NEGR1: variants seen among roughly 807,000 people sequenced by gnomAD.
NEGR1 encodes the protein IgLON family member 4.
A neutral mutation model predicts 40.9 loss-of-function variants in NEGR1; 10 were observed. That is an observed-to-expected ratio of 0.24 (90% CI 0.15 to 0.42). The LOEUF (loss-of-function observed/expected upper bound fraction) is 0.42, where lower values mean the gene tolerates loss of function less well. NEGR1 is among the 10% of genes least tolerant of loss of function. NEGR1 has a pLI of 1.00. For missense variants in NEGR1, 352 were observed against 438.9 expected (o/e 0.80, Z 1.77); for synonymous variants, 185 against 166.8 (o/e 1.11, Z -0.84).
chr1:71,414,749 G>A (rs946498967), intron 6 of NEGR1, among the ~76,000 whole-genome samples: 7 of 152,146 alleles, frequency 4.6e-5, no homozygotes, highest in Non-Finnish European at 8.8e-5. Context: ...CTTTAGGGTT[G>A]AAGAATGCCC....
chr1:71,913,713 A>G (rs1241965577), intron 2 of NEGR1, among the ~76,000 whole-genome samples: 1 of 152,168 alleles, frequency 6.6e-6, no homozygotes, highest in African/African-American at 2.4e-5. Flanking sequence ...AGCATTTCTA[A>G]TCTTTTATAA....
At chr1:71,411,779 C>G (rs1354483707) in intron 6 of NEGR1, among the ~76,000 whole-genome samples, 1 of 152,072 alleles carries the variant, frequency 6.6e-6, no homozygotes, top group Non-Finnish European at 1.5e-5. Context: ...GCAGGTGGAT[C>G]ACCTGAGGCC....
chr1:72,074,281 T>G (rs2100515480), intron 1 of NEGR1, among the ~76,000 whole-genome samples: 1 of 152,256 alleles, frequency 6.6e-6, no homozygotes, highest in Non-Finnish European at 1.5e-5. Context: ...TGTTGGTCAG[T>G]TGATTATAAT....
intron 1 of NEGR1, among the ~76,000 whole-genome samples, chr1:71,963,173 C>T (rs1371295090): frequency 6.6e-6 from 1 of 151,912 alleles, no homozygotes; most frequent in Non-Finnish European, 1.5e-5. Flanking sequence ...CTTTATAATA[C>T]ACCTGGACAT....
At chr1:71,673,897 G>T (rs1365546686) in intron 4 of NEGR1, among the ~76,000 whole-genome samples, 1 of 152,018 alleles carries the variant, frequency 6.6e-6, no homozygotes, top group Non-Finnish European at 1.5e-5. Context: ...TAGACATGTG[G>T]ACGAATTACA....
At chr1:71,840,134 A>G (rs1210835025) in intron 2 of NEGR1, among the ~76,000 whole-genome samples, 1 of 152,124 alleles carries the variant, frequency 6.6e-6, no homozygotes, top group East Asian at 1.9e-4. Flanking sequence ...TTACAGGACT[A>G]TAGAAGTGGG....
chr1:72,083,588 G>A (rs993347539), intron 1 of NEGR1, among the ~76,000 whole-genome samples: 2 of 151,624 alleles, frequency 1.3e-5, no homozygotes, highest in Non-Finnish European at 2.9e-5. Flanking sequence ...GTTAGAATTC[G>A]ATAGAAAAAA....
chr1:72,196,036 C>A (rs1424944369), intron 1 of NEGR1, among the ~76,000 whole-genome samples: 1 of 151,962 alleles, frequency 6.6e-6, no homozygotes, highest in African/African-American at 2.4e-5. Context: ...TTACTAGAAT[C>A]TATGCACAAT....
intron 6 of NEGR1, among the ~76,000 whole-genome samples, chr1:71,466,166 G>A (rs1646744451): frequency 6.6e-6 from 1 of 152,060 alleles, no homozygotes; most frequent in East Asian, 1.9e-4. Flanking sequence ...TAATTTGTGT[G>A]AGAGAGTTTA....
At chr1:72,015,253 T>C (rs910702861) in intron 1 of NEGR1, among the ~76,000 whole-genome samples, 2 of 152,164 alleles carry the variant, frequency 1.3e-5, no homozygotes, top group African/African-American at 4.8e-5. Context: ...TGGTGTGATG[T>C]TTTTATAAGC....
At chr1:72,097,135 T>A (rs1356813077) in intron 1 of NEGR1, among the ~76,000 whole-genome samples, 1 of 152,180 alleles carries the variant, frequency 6.6e-6, no homozygotes, top group Non-Finnish European at 1.5e-5. Context: ...TTTTGAGAAG[T>A]GGTATTTTAT....
chr1:71,865,661 T>A (rs1660090757), intron 2 of NEGR1, among the ~76,000 whole-genome samples: 1 of 152,104 alleles, frequency 6.6e-6, no homozygotes, highest in Non-Finnish European at 1.5e-5. Context: ...GATGAAGGGT[T>A]GATGGGTACA....
chr1:71,743,686 C>T (rs1257791280), intron 3 of NEGR1, among the ~76,000 whole-genome samples: 1 of 152,070 alleles, frequency 6.6e-6, no homozygotes, highest in Non-Finnish European at 1.5e-5. Flanking sequence ...AAATCTTTCC[C>T]AGGTTCTCTG....
chr1:71,436,585 A>C (rs868314405), intron 6 of NEGR1, among the ~76,000 whole-genome samples: 9 of 152,184 alleles, frequency 5.9e-5, no homozygotes, highest in Non-Finnish European at 1.3e-4. Context: ...GAAAGCAGAA[A>C]AATCAGGCAG....
At chr1:72,041,741 T>C (rs1034725682) in intron 1 of NEGR1, among the ~76,000 whole-genome samples, 1 of 148,510 alleles carries the variant, frequency 6.7e-6, no homozygotes, top group African/African-American at 2.5e-5. Flanking sequence ...CACATATATA[T>C]ATATATACCC....
chr1:72,080,726 G>A (rs965124608), intron 1 of NEGR1, among the ~76,000 whole-genome samples: 2 of 152,038 alleles, frequency 1.3e-5, no homozygotes, highest in Admixed American at 1.3e-4. Context: ...AAAATTATAA[G>A]AGAAACCACC....
intron 1 of NEGR1, among the ~76,000 whole-genome samples, chr1:71,955,936 A>G (rs946581970): frequency 6.6e-6 from 1 of 152,180 alleles, no homozygotes; most frequent in Admixed American, 6.6e-5. Flanking sequence ...CACATTGTCT[A>G]TATAAAACAT....
chr1:71,553,038 C>T (rs1360385387), intron 6 of NEGR1, among the ~76,000 whole-genome samples: 4 of 150,634 alleles, frequency 2.7e-5, no homozygotes, highest in Non-Finnish European at 5.9e-5. Flanking sequence ...AAAATTGAGT[C>T]AGGTTGTAAA....
At chr1:72,124,515 C>T (rs957433164) in intron 1 of NEGR1, among the ~76,000 whole-genome samples, 51 of 151,960 alleles carry the variant, frequency 3.4e-4, no homozygotes, top group Admixed American at 1.9e-3. Context: ...GAAAGGTTCC[C>T]GGGACCCCGT....
Sources: allele counts gnomAD v4.1 joint callset (sites outside exome capture counted in the v4.1 genomes callset), GRCh38; gene constraint gnomAD v4.1.1; transcripts MANE v1.5; gene names NCBI Gene and HGNC (gene_info 2026-07-23, HGNC 2026-07-21).